The following POF1B variants were observed in gnomAD, a reference collection of about 807,000 sequenced individuals.
POF1B encodes POF1B actin binding protein, also known as protein POF1B.
A neutral mutation model predicts 55.3 loss-of-function variants in POF1B; 53 were observed. The ratio of observed to expected loss-of-function variants is 0.96; its 90% CI spans 0.77 to 1.20. POF1B has a LOEUF of 1.20. POF1B is among the 50% of genes most tolerant of loss of function. The probability of loss-of-function intolerance (pLI) is 0.00; values close to 1 mark genes in which losing one functional copy is unlikely to be tolerated. For missense variants in POF1B, 478 were observed against 420.5 expected (o/e 1.14, Z -1.20); for synonymous variants, 188 against 148.3 (o/e 1.27, Z -1.95).
chrX:85,290,183 C>T (rs779916176), intron 15 of POF1B, among the ~76,000 whole-genome samples: 1 of 110,924 alleles, frequency 9.0e-6, no homozygotes, highest in African/African-American at 3.3e-5. Context: ...CCATGTTTAG[C>T]TCCCACATTT....
intron 3 of POF1B, among the ~76,000 whole-genome samples, chrX:85,366,892 ATCT>A (rs1314524338): frequency 3.6e-5 from 4 of 111,256 alleles, no homozygotes; most frequent in African/African-American, 9.8e-5. Context: ...TTCTTTGATA[ATCT>A]TCTTATTTTT....
At chrX:85,291,992 G>C (rs569473796) in intron 15 of POF1B, among the ~76,000 whole-genome samples, 3 of 111,069 alleles carry the variant, frequency 2.7e-5, no homozygotes, top group Middle Eastern at 9.3e-3. Context: ...AGTGATGAGA[G>C]AGGGCATCCT....
intron 16 of POF1B, 23 bp from the exon 17 acceptor site, chrX:85,279,449 A>G: frequency 8.6e-7 from 1 of 1,168,544 alleles, no homozygotes; most frequent in Non-Finnish European, 1.2e-6. Context: ...AAAAAAGGTT[A>G]TCTTACAACT....
At position 85,278,148 on chromosome X, in the gene POF1B, A is replaced by G. The variant is rs1255945100; in HGVS notation, c.*1273T>C. 9.0e-6 allele frequency: 1 copy of G among 111,131 alleles called. No homozygotes were observed. The highest frequency in any genetic ancestry group is 2.9e-4 in the East Asian group (1 of 3,506). 9.2% of individuals were successfully genotyped at this position (111,131 alleles called of 1,213,427 possible). A position where few individuals can be genotyped will look rare whatever the true frequency, so the allele number is the denominator to read the frequency against. On this transcript the variant is annotated 3_prime_UTR_variant, in exon 17 of 17. Coordinates refer to ENST00000262753, the MANE Select transcript of POF1B (RefSeq NM_024921.4). ...TTGAACACTTCTAGAAAAGAACATT[A>G]AAAGTTTTTTCCTCATTTATGGTTT...
rs1277150869 is a variant in POF1B, at chrX:85,278,758, A to ACTT, written c.*660_*662dup. 1 of 110,936 alleles carries ACTT rather than the reference A, an allele frequency of 9.0e-6. No homozygotes were observed. The highest frequency in any genetic ancestry group is 3.3e-5 in the African/African-American group (1 of 30,726). 9.1% of individuals were successfully genotyped at this position (110,936 alleles called of 1,213,427 possible). On this transcript the variant is annotated 3_prime_UTR_variant, in exon 17 of 17. Transcript: ENST00000262753. ...CAGATTTGCCAAGGGACTAATATGT[A>ACTT]CTTAGAACCAGAATAGCATACTGTA... is the stretch of plus-strand genomic sequence containing the variant.
In POF1B at chrX:85,369,923, A is replaced by G. The variant is rs370007915; in HGVS notation, c.283-2157T>C. Among the ~76,000 whole-genome samples the G allele has an allele frequency of 2.8e-4, 31 of 112,201 alleles. No individual in the cohort carries two copies. In the East Asian group the frequency reaches 4.8e-3, roughly 17 times the overall value. On this transcript the variant is annotated intron_variant, in intron 2 of 16. Coordinates refer to ENST00000262753, the MANE Select transcript of POF1B (RefSeq NM_024921.4). ...CTGGGGCTAATAATATTATACTAGT[A>G]TCATTCTGAGAAGACAACTATACAC...
chrX:85,360,897 T>C (rs188646812), intron 3 of POF1B, among the ~76,000 whole-genome samples: 12 of 110,853 alleles, frequency 1.1e-4, no homozygotes, highest in African/African-American at 3.9e-4. Context: ...TATTTTCTTC[T>C]GGCTTGTTAA....
intron 2 of POF1B, among the ~76,000 whole-genome samples, chrX:85,376,497 A>G (rs1933923752): frequency 8.9e-6 from 1 of 111,774 alleles, no homozygotes. Context: ...TAAACCCAGT[A>G]ATTTTAATTC....
intron 7 of POF1B, among the ~76,000 whole-genome samples, chrX:85,321,544 G>T (rs1569287367): frequency 9.1e-6 from 1 of 109,558 alleles, no homozygotes; most frequent in East Asian, 2.9e-4. Flanking sequence ...AGACAGGGAT[G>T]CCCTCTCTCA....
At chrX:85,290,170 ATCCCATGTTTAGC>A (rs1276558261) in intron 15 of POF1B, among the ~76,000 whole-genome samples, 7 of 110,848 alleles carry the variant, frequency 6.3e-5, no homozygotes, top group Non-Finnish European at 1.1e-4. Flanking sequence ...GCCCATGAGT[ATCCCATGTTTAGC>A]TCCCACATTT....
chrX:85,345,788 C>G lies in POF1B; in HGVS notation c.723+72G>C, dbSNP rs374982824. 4.1e-5 allele frequency: 38 copies of G among 931,093 alleles called. No homozygotes were observed. The African/African-American group carries it at 6.6e-4, about 16-fold the overall frequency. 76.7% of individuals were successfully genotyped at this position (931,093 alleles called of 1,213,427 possible). ...TTTTGATGAAAATTTAATGGGAGCA[C>G]CTGCATAGTGGTATGAGAAGAGTTC... is the stretch of plus-strand genomic sequence containing the variant. On this transcript the variant is annotated intron_variant, in intron 6 of 16. Transcript: ENST00000262753.
At chrX:85,335,920 TG>T (rs1933064300) in intron 6 of POF1B, among the ~76,000 whole-genome samples, 1 of 110,306 alleles carries the variant, frequency 9.1e-6, no homozygotes, top group African/African-American at 3.3e-5. Context: ...ATAGTTACAC[TG>T]TTTTTCTATC....
intron 16 of POF1B, 50 bp downstream of exon 16, chrX:85,282,153 G>A: frequency 9.0e-7 from 1 of 1,114,276 alleles, no homozygotes; most frequent in Non-Finnish European, 1.2e-6. Context: ...ATTTTAAAAG[G>A]CTGTACATAT....
intron 7 of POF1B, 136 bp from the exon 8 acceptor site, chrX:85,315,870 A>C: frequency 2.0e-6 from 1 of 490,667 alleles, no homozygotes; most frequent in Non-Finnish European, 3.0e-6. Context: ...GCACAAGTGA[A>C]AATGTTAAAA....
chrX:85,352,421 C>T, intron 4 of POF1B, among the ~76,000 whole-genome samples: 1 of 111,450 alleles, frequency 9.0e-6, no homozygotes, highest in East Asian at 2.8e-4. Context: ...TTTTTGTAGT[C>T]TGCTATTATA....
In POF1B at chrX:85,282,315, T is replaced by C. The variant is rs781240017; in HGVS notation, c.1652A>G (p.Tyr551Cys). Reference protein sequence around the residue: ...GGRTTITTKKYRTQYPILGLL... With the variant: ...GGRTTITTKKCRTQYPILGLL... Reference sequence around the variant, plus strand: ...GCCTAGGATTGGATATTGTGTCCTGTACCTGTTGGCAAGAAAAGAGTTAGT... The same window carrying C: ...GCCTAGGATTGGATATTGTGTCCTGCACCTGTTGGCAAGAAAAGAGTTAGT... Residue 551 changes from tyrosine to cysteine, a missense_variant and splice_region_variant, in exon 16 of 17, where the codon TAC becomes TGC. Physicochemically the swap from Tyr to Cys is radical, Grantham distance 194. Transcript: ENST00000262753. 1 of 1,116,687 alleles carries C rather than the reference T, an allele frequency of 9.0e-7. No homozygotes were observed. The highest frequency in any genetic ancestry group is 2.3e-5 in the South Asian group (1 of 44,252). The allele number at this position is 1,116,687 out of a possible 1,213,427, so 92.0% of individuals were successfully genotyped here.
rs137996291 is a variant in POF1B at position 85,366,918 on chromosome X, A to T, written c.357+774T>A. Among the ~76,000 whole-genome samples, 870 of 111,146 alleles carry T rather than the reference A, an allele frequency of 7.8e-3. 28 individuals carry two copies. The highest frequency in any genetic ancestry group is 0.064 in the Admixed American group (672 of 10,429). Reference sequence around the variant, plus strand: ...TCTTCTTATTTTTCTGCATAATATCATATTTTCCTTGCTATGCTCAAGGAC... The same window carrying T: ...TCTTCTTATTTTTCTGCATAATATCTTATTTTCCTTGCTATGCTCAAGGAC... On this transcript the variant is annotated intron_variant, in intron 3 of 16. Transcript: ENST00000262753.
intron 6 of POF1B, among the ~76,000 whole-genome samples, chrX:85,332,819 C>G (rs781248340): frequency 1.1e-4 from 12 of 111,077 alleles, no homozygotes; most frequent in African/African-American, 3.9e-4. Flanking sequence ...TGTTAGTTAT[C>G]TTGTCCATGT....
At chrX:85,337,682 TGAAA>T (rs1478072093) in intron 6 of POF1B, among the ~76,000 whole-genome samples, 1 of 111,726 alleles carries the variant, frequency 9.0e-6, no homozygotes, top group Non-Finnish European at 1.9e-5. Flanking sequence ...GTTCTGTACT[TGAAA>T]TAAAGAACTA....
Sources: allele counts gnomAD v4.1 joint callset (sites outside exome capture counted in the v4.1 genomes callset), GRCh38; gene constraint gnomAD v4.1.1; transcripts MANE v1.5; gene names NCBI Gene and HGNC (gene_info 2026-07-23, HGNC 2026-07-21).